ZNF680: variants seen among roughly 807,000 people sequenced by gnomAD.
ZNF680 encodes the protein hypothetical protein FLJ90430.
Under a neutral mutation model 12.1 loss-of-function variants are expected in ZNF680, and 6 were observed. The observed-to-expected ratio is 0.49, with a 90% CI of 0.27 to 0.98. ZNF680 has a LOEUF of 0.98. Among genes scored for constraint, ZNF680 ranks in the 50% least tolerant of loss-of-function variants. The pLI is 0.12. For missense variants in ZNF680, 561 were observed against 616.3 expected (o/e 0.91, Z 0.95); for synonymous variants, 170 against 199.3 (o/e 0.85, Z 1.24).
chr7:64,550,867 T>C (rs1309409983), intron 1 of ZNF680, among the ~76,000 whole-genome samples: 1 of 152,196 alleles, frequency 6.6e-6, no homozygotes, highest in Non-Finnish European at 1.5e-5. Flanking sequence ...TGGCGCCTTA[T>C]ATGTTTATGT....
chr7:64,545,562 T>A (rs988826236), intron 1 of ZNF680, among the ~76,000 whole-genome samples: 1 of 152,190 alleles, frequency 6.6e-6, no homozygotes, highest in Non-Finnish European at 1.5e-5. Context: ...GAACACAGCA[T>A]CACTGCTGGA....
chr7:64,548,894 G>A (rs1786921583), intron 1 of ZNF680, among the ~76,000 whole-genome samples: 2 of 151,954 alleles, frequency 1.3e-5, no homozygotes, highest in African/African-American at 4.8e-5. Context: ...AGGCCGAGGT[G>A]GGCGGATCAC....
Position 64,550,214 on chromosome 7 carries a change from C to T in ZNF680, c.31-5782G>A, listed in dbSNP as rs1162138303. Among the ~76,000 whole-genome samples the T allele has an allele frequency of 2.6e-5, 4 of 152,108 alleles. No homozygotes were observed. In the East Asian group the frequency reaches 7.7e-4, roughly 29 times the overall value. On this transcript the variant is annotated intron_variant, in intron 1 of 3. Coordinates refer to ENST00000309683, the MANE Select transcript of ZNF680 (RefSeq NM_178558.5). The stretch of plus-strand genomic sequence containing the variant: ...TTATTTACAAAAATAAAATCGATTA[C>T]TAATTGGCTATACATTGTTAAGCTA...
the ZNF680 span, chr7:64,501,829 G>A: frequency 1.0e-5 from 6 of 593,164 alleles, no homozygotes; most frequent in Non-Finnish European, 1.9e-5. Flanking sequence ...AGTATCTTCA[G>A]CACATGCTCA....
intron 1 of ZNF680, 39 bp from the exon 2 acceptor site, chr7:64,544,471 C>T (rs774816098): frequency 3.3e-6 from 5 of 1,517,408 alleles, no homozygotes; most frequent in Middle Eastern, 1.8e-4. Context: ...CACACACACA[C>T]TTATATATTT....
chr7:64,519,427 GA>G (rs1791424199), downstream of ZNF680, among the ~76,000 whole-genome samples: 1 of 151,770 alleles, frequency 6.6e-6, no homozygotes, highest in Non-Finnish European at 1.5e-5. Context: ...ATAGTGTGGA[GA>G]TTTTTTTAAA....
intron 1 of ZNF680, among the ~76,000 whole-genome samples, chr7:64,548,678 T>C (rs1297820437): frequency 6.6e-6 from 1 of 152,106 alleles, no homozygotes; most frequent in Non-Finnish European, 1.5e-5. Flanking sequence ...AGAAGCATAA[T>C]TAACCACTCT....
At chr7:64,548,558 C>T (rs1382324553) in intron 1 of ZNF680, among the ~76,000 whole-genome samples, 3 of 151,722 alleles carry the variant, frequency 2.0e-5, no homozygotes, top group African/African-American at 7.3e-5. Context: ...CCTTTTTTTT[C>T]ACCCAAGCAC....
chr7:64,553,783 C>T (rs971816550), intron 1 of ZNF680, among the ~76,000 whole-genome samples: 3 of 152,196 alleles, frequency 2.0e-5, no homozygotes, highest in Non-Finnish European at 2.9e-5. Context: ...GACGGGGTTT[C>T]GCTGTGTTGG....
intron 3 of ZNF680, among the ~76,000 whole-genome samples, chr7:64,533,364 C>T (rs186046774): frequency 6.6e-6 from 1 of 152,272 alleles, no homozygotes; most frequent in East Asian, 1.9e-4. Flanking sequence ...CTCTTCTATA[C>T]ACCAACAGTG....
chr7:64,530,696 TA>T (rs1432215095), intron 3 of ZNF680, among the ~76,000 whole-genome samples: 1 of 151,522 alleles, frequency 6.6e-6, no homozygotes, highest in African/African-American at 2.4e-5. Context: ...CCATCTCTAC[TA>T]AAAATACAAA....
chr7:64,521,153 G>C lies in ZNF680; in HGVS notation c.*8C>G. 9 of 1,592,158 alleles carry C rather than the reference G, an allele frequency of 5.7e-6. No individual in the cohort carries two copies. The highest frequency in any genetic ancestry group is 7.7e-6 in the Non-Finnish European group (9 of 1,171,154). ...AACAGGATGGTGTCTTTTATGTTTAGAAAAGTTTTAGGTGTTATCAAAATT... is the reference window on the plus strand; with the variant it reads ...AACAGGATGGTGTCTTTTATGTTTACAAAAGTTTTAGGTGTTATCAAAATT... On this transcript the variant is annotated 3_prime_UTR_variant, in exon 4 of 4. Transcript: ENST00000309683.
the ZNF680 span, among the ~76,000 whole-genome samples, chr7:64,499,243 ATACT>A: frequency 7.9e-3 from 1,200 of 152,284 alleles, 11 homozygotes; most frequent in African/African-American, 0.025. Context: ...TCAGTGAAAA[ATACT>A]TACAGCTACC....
At chr7:64,507,962 CAA>C in the ZNF680 span, among the ~76,000 whole-genome samples, 1 of 150,460 alleles carries the variant, frequency 6.6e-6, no homozygotes, top group Non-Finnish European at 1.5e-5. Context: ...ACCCAACACT[CAA>C]GAATAAATTT....
Position 64,522,036 on chromosome 7 carries a change from A to G in ZNF680, c.718T>C (p.Cys240Arg), listed in dbSNP as rs778233839. 17 of 1,613,202 alleles carry G rather than the reference A, an allele frequency of 1.1e-5. No individual in the cohort carries two copies. In the South Asian group the frequency reaches 1.5e-4, roughly 15 times the overall value. ...TTAAAGGCTTTGCCACATTCCTCACATTTGTAGGGTTTCTCTCCCATATGA... is the reference window on the plus strand; with the variant it reads ...TTAAAGGCTTTGCCACATTCCTCACGTTTGTAGGGTTTCTCTCCCATATGA... ...GIHMGEKPYK[C>R]EECGKAFNQS... The change falls in exon 4 of 4, where the codon TGT becomes CGT. Residue 240 changes from cysteine to arginine, a missense_variant. Coordinates refer to ENST00000309683, the MANE Select transcript of ZNF680 (RefSeq NM_178558.5).
At chr7:64,528,780 T>C (rs1239088534) in intron 3 of ZNF680, among the ~76,000 whole-genome samples, 1 of 152,088 alleles carries the variant, frequency 6.6e-6, no homozygotes, top group East Asian at 1.9e-4. Context: ...TCTAAGAAGT[T>C]GTAAGGCCCC....
At chr7:64,559,319 A>G (rs1787595332) in intron 1 of ZNF680, among the ~76,000 whole-genome samples, 1 of 152,154 alleles carries the variant, frequency 6.6e-6, no homozygotes, top group Admixed American at 6.5e-5. Flanking sequence ...GAAGTTGGCA[A>G]CTTCTAGGAA....
intron 1 of ZNF680, among the ~76,000 whole-genome samples, chr7:64,559,475 T>G (rs530492482): frequency 2.3e-5 from 2 of 85,176 alleles, no homozygotes; most frequent in East Asian, 5.1e-4. Context: ...TTTGTTTAGG[T>G]TTTTTTTTTT....
At position 64,543,745 on chromosome 7, in the gene ZNF680, C is replaced by A; in HGVS notation, c.215G>T (p.Trp72Leu). 1 of 1,613,652 alleles carries A rather than the reference C, an allele frequency of 6.2e-7. No individual in the cohort carries two copies. Among genetic ancestry groups the A allele is most frequent in the Non-Finnish European group, 8.5e-7 (1 of 1,179,772 alleles). The change falls in exon 3 of 4, where the codon TGG becomes TTG. Residue 72 changes from tryptophan to leucine, a missense_variant. Trp to Leu is a moderately conservative substitution (Grantham distance 61, BLOSUM62 -2). Transcript: ENST00000309683. ...ITCLEQGKEPWNRKRQEMVAK... is the reference protein window; with the variant it reads ...ITCLEQGKEPLNRKRQEMVAK... ...TACCATCTCCTGTCTCTTCCTATTC[C>A]AGGGCTCTTTTCCTTGCTCCAAACA...
Sources: gnomAD v4.1 joint callset for allele counts (sites outside exome capture counted in the v4.1 genomes callset) on GRCh38, gnomAD v4.1.1 for gene constraint, MANE v1.5 for transcripts, NCBI Gene and HGNC (gene_info 2026-07-23, HGNC 2026-07-21) for gene names.